The following CACNA1I variants were observed in gnomAD, a reference collection of about 807,000 sequenced individuals.
CACNA1I encodes calcium voltage-gated channel subunit alpha1 I, also known as voltage-dependent T-type calcium channel subunit alpha-1I.
Under a neutral mutation model 201.6 loss-of-function variants are expected in CACNA1I, and 74 were observed. That is an observed-to-expected ratio of 0.37 (90% CI 0.30 to 0.45). CACNA1I has a LOEUF of 0.45. CACNA1I is among the 20% of genes least tolerant of loss of function. The pLI is 1.00. For synonymous variants in CACNA1I, 1,431 were observed against 1,345.2 expected (o/e 1.06, Z -1.40); for missense variants, 2,346 against 3,138.1 (o/e 0.75, Z 6.03).
intron 1 of CACNA1I, among the ~76,000 whole-genome samples, chr22:39,586,521 T>TAAAA (rs953563352): frequency 6.6e-6 from 1 of 151,702 alleles, no homozygotes; most frequent in African/African-American, 2.4e-5. Context: ...AATAAATAAA[T>TAAAA]AAAAACTTTA....
chr22:39,649,581 CCCG>C lies in CACNA1I; in HGVS notation c.1651_1653del (p.Ala551del). On this transcript the variant is annotated inframe_deletion, in exon 10 of 37. Transcript: ENST00000402142. This position sits in a 1 kb window ranked among gnomAD's most constrained non-coding sequence, Gnocchi z 7.3. Reference sequence around the variant, plus strand: ...CATCCCCGCCACGCTGGCTTCCGATCCCGCCAGCTGCCCTTGCTGCCAGCATGA... The same window carrying C: ...CATCCCCGCCACGCTGGCTTCCGATCCCAGCTGCCCTTGCTGCCAGCATGA... 6.5e-7 allele frequency: 1 copy of C among 1,546,416 alleles called. No homozygotes were observed. The highest frequency in any genetic ancestry group is 8.7e-7 in the Non-Finnish European group (1 of 1,145,178).
intron 4 of CACNA1I, among the ~76,000 whole-genome samples, chr22:39,628,193 C>T (rs574367459): frequency 1.5e-4 from 23 of 152,284 alleles, no homozygotes; most frequent in African/African-American, 5.5e-4. Context: ...ACTCATGGAT[C>T]GATTCCATCA....
At chr22:39,599,607 A>G (rs1318294597) in intron 2 of CACNA1I, among the ~76,000 whole-genome samples, 1 of 110,156 alleles carries the variant, frequency 9.1e-6, no homozygotes, top group Non-Finnish European at 1.8e-5. Context: ...CGACAGAGCG[A>G]GACTCCGTCT....
chr22:39,620,867 C>A (rs1202623203), intron 4 of CACNA1I, among the ~76,000 whole-genome samples: 1 of 152,142 alleles, frequency 6.6e-6, no homozygotes, highest in Non-Finnish European at 1.5e-5. Context: ...CAATTCTCCT[C>A]CTGTCTCACC....
intron 5 of CACNA1I, among the ~76,000 whole-genome samples, chr22:39,640,295 A>G (rs1934320437): frequency 6.6e-6 from 1 of 152,182 alleles, no homozygotes; most frequent in Non-Finnish European, 1.5e-5. Flanking sequence ...AGGCTGAGAC[A>G]GGAGAATTGC....
At chr22:39,678,173 T>C in intron 31 of CACNA1I, 65 bp downstream of exon 31, 1 of 1,557,540 alleles carries the variant, frequency 6.4e-7, no homozygotes, top group South Asian at 1.2e-5. Flanking sequence ...ATGCTGGTCC[T>C]GCTGCTCAGG....
chr22:39,655,888 A>AG (rs1460750992), intron 10 of CACNA1I, among the ~76,000 whole-genome samples: 1 of 152,222 alleles, frequency 6.6e-6, no homozygotes, highest in Admixed American at 6.5e-5. Flanking sequence ...TTTGGATGGC[A>AG]GTGGCTCCCT....
chr22:39,651,314 G>A (rs1027047215), intron 10 of CACNA1I, among the ~76,000 whole-genome samples: 4 of 152,214 alleles, frequency 2.6e-5, no homozygotes, highest in Non-Finnish European at 5.9e-5. Flanking sequence ...CCATGGGGCC[G>A]CACACGCACC....
At chr22:39,658,012 G>T (rs927943639) in intron 10 of CACNA1I, 140 bp from the exon 11 acceptor site, 26 of 825,396 alleles carry the variant, frequency 3.1e-5, no homozygotes, top group Admixed American at 9.0e-5. Context: ...GGGGCCTTGT[G>T]CATGGGGCAG....
At chr22:39,599,391 G>A (rs1279065286) in intron 2 of CACNA1I, among the ~76,000 whole-genome samples, 1 of 143,240 alleles carries the variant, frequency 7.0e-6, no homozygotes, top group Non-Finnish European at 1.5e-5. Context: ...AGGCCGAGGC[G>A]GGCGGATCAC....
At position 39,587,366 on chromosome 22, in the gene CACNA1I, C is replaced by T. The variant is rs114639794; in HGVS notation, c.237-10785C>T. 2.6e-3 allele frequency among the ~76,000 whole-genome samples: 403 copies of T among 152,258 alleles called. 5 individuals carry two copies. The highest frequency in any genetic ancestry group is 9.4e-3 in the African/African-American group (390 of 41,552). On this transcript the variant is annotated intron_variant, in intron 1 of 36. Coordinates refer to ENST00000402142, the MANE Select transcript of CACNA1I (RefSeq NM_021096.4). ...ATTTGTCATGTGGGGAGTTCCTTGT[C>T]GCTGGAGGCATGTAAGCGGAGGGAG...
At position 39,684,651 on chromosome 22, in the gene CACNA1I, G is replaced by A. The variant is rs1469769201; in HGVS notation, c.6027+153G>A. ...GGGGGTTTGGGAACGCTGGGGTGAC[G>A]CTGAGACTGGAGGGGGAGGTGGCAC... On this transcript the variant is annotated intron_variant, in intron 36 of 36. Coordinates refer to ENST00000402142, the MANE Select transcript of CACNA1I (RefSeq NM_021096.4). The surrounding 1 kb of genome is among the most constrained non-coding windows in gnomAD (Gnocchi z 4.6). 4 of 777,438 alleles carry A rather than the reference G, an allele frequency of 5.1e-6. No homozygotes were observed. The highest frequency in any genetic ancestry group is 2.3e-5 in the Admixed American group (1 of 43,948). The allele number at this position is 777,438 out of a possible 1,614,324, so 48.2% of individuals were successfully genotyped here.
chr22:39,638,913 G>A (rs549005423), intron 5 of CACNA1I, among the ~76,000 whole-genome samples: 24 of 152,280 alleles, frequency 1.6e-4, no homozygotes, highest in South Asian at 6.2e-4. Flanking sequence ...AATAGGGTTC[G>A]TGCTCCTATG....
intron 29 of CACNA1I, 124 bp downstream of exon 29, chr22:39,674,157 G>A (rs771993685): frequency 2.4e-5 from 21 of 884,716 alleles, no homozygotes; most frequent in Non-Finnish European, 3.0e-5. Context: ...TGCTGTCTCT[G>A]GGGATGCATT....
chr22:39,599,905 C>T (rs1018003182), intron 2 of CACNA1I, among the ~76,000 whole-genome samples: 2 of 152,210 alleles, frequency 1.3e-5, no homozygotes, highest in South Asian at 2.1e-4. Context: ...ACCCAGTCCC[C>T]GCCCTCAGGA....
chr22:39,588,117 A>G (rs1018533695), intron 1 of CACNA1I, among the ~76,000 whole-genome samples: 1 of 131,392 alleles, frequency 7.6e-6, no homozygotes, highest in Admixed American at 7.9e-5. Flanking sequence ...TCCTTAAAGC[A>G]GTTGCTCTTC....
chr22:39,624,100 G>A (rs980831511), intron 4 of CACNA1I, among the ~76,000 whole-genome samples: 2 of 149,702 alleles, frequency 1.3e-5, no homozygotes, highest in Admixed American at 6.6e-5. Context: ...TGTGAAGAGT[G>A]TGTATGTCTC....
intron 3 of CACNA1I, among the ~76,000 whole-genome samples, chr22:39,604,211 G>A (rs1439620110): frequency 2.0e-5 from 3 of 152,148 alleles, no homozygotes; most frequent in Non-Finnish European, 4.4e-5. Context: ...GAAGCATTCT[G>A]TATTGCTTAG....
chr22:39,684,596 C>A lies in CACNA1I; in HGVS notation c.6027+98C>A. The stretch of plus-strand genomic sequence containing the variant: ...CCAAGGGACTGGGAGGGGAAGGACC[C>A]AACCAAAGGCCGAGGGCACCACCGT... On this transcript the variant is annotated intron_variant, in intron 36 of 36. Transcript: ENST00000402142. The surrounding 1 kb of genome is among the most constrained non-coding windows in gnomAD (Gnocchi z 4.6). 7.6e-7 allele frequency: 1 copy of A among 1,323,018 alleles called. No individual in the cohort carries two copies. The highest frequency in any genetic ancestry group is 1.1e-6 in the Non-Finnish European group (1 of 942,752). 82.0% of individuals were successfully genotyped at this position (1,323,018 alleles called of 1,614,324 possible). A position where few individuals can be genotyped will look rare whatever the true frequency, so the allele number is the denominator to read the frequency against.
Sources: allele counts gnomAD v4.1 joint callset (sites outside exome capture counted in the v4.1 genomes callset), GRCh38; gene constraint gnomAD v4.1.1; non-coding constraint Gnocchi (gnomAD v3.1); transcripts MANE v1.5; gene names NCBI Gene and HGNC (gene_info 2026-07-23, HGNC 2026-07-21).